ARHGAP10: variants seen among roughly 807,000 people sequenced by gnomAD.
The protein encoded by ARHGAP10 is rho GTPase-activating protein 10.
Under a neutral mutation model 108.6 loss-of-function variants are expected in ARHGAP10, and 87 were observed. The observed-to-expected ratio is 0.80, with a 90% confidence interval of 0.67 to 0.96. The LOEUF (loss-of-function observed/expected upper bound fraction) is 0.96. Among genes scored for constraint, ARHGAP10 ranks in the 40% least tolerant of loss-of-function variants. ARHGAP10 has a pLI of 0.00. For synonymous variants in ARHGAP10, 347 were observed against 341.1 expected, an observed-to-expected ratio of 1.02 and a Z score of -0.19; for missense variants, 939 against 954.5, an observed-to-expected ratio of 0.98 and a Z score of 0.21.
chr4:147,949,564 C>A (rs765358527), intron 15 of ARHGAP10, among the ~76,000 whole-genome samples: 1 of 151,750 alleles, frequency 6.6e-6, no homozygotes. Flanking sequence ...CCCTCCCCCC[C>A]ACAAATAATT....
chr4:148,072,199 T>G lies in ARHGAP10; in HGVS notation c.*118T>G. On this transcript the variant is annotated 3_prime_UTR_variant, in exon 23 of 23. Coordinates refer to ENST00000336498, the MANE Select transcript of ARHGAP10 (RefSeq NM_024605.4). ...CCACAGGTACCTCCACACTTGGGAG[T>G]TACCATCATCACAGTCAGCCCTGGG... The G allele has an allele frequency of 1.3e-6, 1 of 783,112 alleles. No homozygotes were observed. The highest frequency in any genetic ancestry group is 2.0e-6 in the Non-Finnish European group (1 of 504,420). The allele number at this position is 783,112 out of a possible 1,614,324, so 48.5% of individuals were successfully genotyped here.
chr4:147,825,502 C>T (rs1732672437), intron 3 of ARHGAP10, among the ~76,000 whole-genome samples: 2 of 151,760 alleles, frequency 1.3e-5, no homozygotes, highest in African/African-American at 4.8e-5. Flanking sequence ...ATAATTTGCA[C>T]TCATTCCTAA....
chr4:147,938,654 A>C (rs1738045265), intron 13 of ARHGAP10, among the ~76,000 whole-genome samples: 1 of 152,164 alleles, frequency 6.6e-6, no homozygotes, highest in Admixed American at 6.5e-5. Context: ...TATTCTTTTC[A>C]TCACTCCGAG....
At chr4:147,812,395 C>T (rs1291769248) in intron 1 of ARHGAP10, among the ~76,000 whole-genome samples, 1 of 152,068 alleles carries the variant, frequency 6.6e-6, no homozygotes, top group Non-Finnish European at 1.5e-5. Context: ...TCTAGCTTGA[C>T]CTTGCTTGTG....
rs1266804131 is a variant in ARHGAP10 at position 147,891,867 on chromosome 4, A to G, written c.1034+9935A>G. Among the ~76,000 whole-genome samples, 8 of 152,066 alleles carry G rather than the reference A, an allele frequency of 5.3e-5. No individual in the cohort carries two copies. In the South Asian group the frequency reaches 1.7e-3, roughly 32 times the overall value. On this transcript the variant is annotated intron_variant, in intron 10 of 22. Coordinates refer to ENST00000336498, the MANE Select transcript of ARHGAP10 (RefSeq NM_024605.4). Reference sequence around the variant, plus strand: ...GTAGCTTTCTTCCCTGAAGGGTGGAATATCACCCTTCCCCCGCCCCAACAA... The same window carrying G: ...GTAGCTTTCTTCCCTGAAGGGTGGAGTATCACCCTTCCCCCGCCCCAACAA...
At chr4:147,758,661 T>C (rs1394832083) in intron 1 of ARHGAP10, among the ~76,000 whole-genome samples, 6 of 152,010 alleles carry the variant, frequency 3.9e-5, no homozygotes, top group Non-Finnish European at 8.8e-5. Context: ...ACAGGTGGTG[T>C]ATTTTTTTTT....
intron 1 of ARHGAP10, among the ~76,000 whole-genome samples, chr4:147,734,651 A>G (rs543923075): frequency 2.0e-5 from 3 of 152,174 alleles, no homozygotes; most frequent in Admixed American, 6.5e-5. Context: ...GGGCGTGGCT[A>G]TAGGAAAATT....
At chr4:147,865,097 C>G in intron 6 of ARHGAP10, 141 bp downstream of exon 6, 1 of 705,832 alleles carries the variant, frequency 1.4e-6, no homozygotes, top group South Asian at 1.9e-5. Flanking sequence ...AGGGCAGACA[C>G]AGATAGCCAT....
chr4:147,953,200 A>G (rs2635259), intron 15 of ARHGAP10, among the ~76,000 whole-genome samples: 117,997 of 151,902 alleles, frequency 0.78, 49,297 homozygotes, highest in Non-Finnish European at 0.93. Flanking sequence ...ATCTATGTTC[A>G]TGAGTGATAT....
At chr4:147,906,507 A>C (rs1736500312) in intron 10 of ARHGAP10, 131 bp from the exon 11 acceptor site, 12 of 783,260 alleles carry the variant, frequency 1.5e-5, no homozygotes, top group Non-Finnish European at 2.3e-5. Flanking sequence ...CGTTAAGATG[A>C]TAAATTTTAG....
At chr4:147,801,363 T>A (rs1187260698) in intron 1 of ARHGAP10, among the ~76,000 whole-genome samples, 1 of 152,170 alleles carries the variant, frequency 6.6e-6, no homozygotes, top group African/African-American at 2.4e-5. Flanking sequence ...GACTTCTCTA[T>A]AAGAAAAGAG....
intron 18 of ARHGAP10, among the ~76,000 whole-genome samples, chr4:148,016,253 C>T (rs1741342321): frequency 1.3e-5 from 2 of 152,096 alleles, no homozygotes; most frequent in Admixed American, 6.5e-5. Context: ...CCTGTAATCC[C>T]AGTGCTTTGA....
intron 18 of ARHGAP10, among the ~76,000 whole-genome samples, chr4:147,997,278 A>G (rs758364911): frequency 6.6e-6 from 1 of 152,234 alleles, no homozygotes; most frequent in Non-Finnish European, 1.5e-5. Context: ...GTACATCAAT[A>G]ATCTATTTTG....
chr4:147,856,430 C>T (rs71616570), intron 4 of ARHGAP10, among the ~76,000 whole-genome samples: 6,758 of 152,304 alleles, frequency 0.044, 183 homozygotes, highest in Non-Finnish European at 0.065. Context: ...TATTGCTATA[C>T]AGGTCGATCA....
Position 148,052,392 on chromosome 4 carries a change from C to CTTTTT in ARHGAP10, c.2027+5357_2027+5361dup, listed in dbSNP as rs35449374. On this transcript the variant is annotated intron_variant, in intron 20 of 22. Transcript: ENST00000336498. ...TTAAAAGTGTTTTTTTGCACATTTGCTTTTTTTTTTTTTTTTTTTTGGGCT... is the reference window on the plus strand; with the variant it reads ...TTAAAAGTGTTTTTTTGCACATTTGCTTTTTTTTTTTTTTTTTTTTTTTTTGGGCT... Among the ~76,000 whole-genome samples, 295 of 90,658 alleles carry CTTTTT rather than the reference C, an allele frequency of 3.3e-3. 7 individuals carry two copies. The highest frequency in any genetic ancestry group is 0.012 in the African/African-American group (279 of 22,510). The allele number at this position is 90,658 out of a possible 152,430, so 59.5% of individuals were successfully genotyped here.
intron 1 of ARHGAP10, among the ~76,000 whole-genome samples, chr4:147,753,739 T>C (rs1729259460): frequency 6.6e-6 from 1 of 152,194 alleles, no homozygotes; most frequent in African/African-American, 2.4e-5. Flanking sequence ...TTTGAGAGAA[T>C]GATTTTTTTC....
Position 148,030,413 on chromosome 4 carries a change from A to G in ARHGAP10, c.1867+7000A>G, listed in dbSNP as rs1184828369. 1.3e-4 allele frequency among the ~76,000 whole-genome samples: 20 copies of G among 152,222 alleles called. 1 individual carries two copies. Among genetic ancestry groups the G allele is most frequent in the Admixed American group, 1.3e-3 (20 of 15,284 alleles). ...CCAACCAAAGTATTGTTTATCCTGA[A>G]TGAAATGGAATTTTAAGGCTGTCAA... is the stretch of plus-strand genomic sequence containing the variant. On this transcript the variant is annotated intron_variant, in intron 19 of 22. Transcript: ENST00000336498.
intron 13 of ARHGAP10, among the ~76,000 whole-genome samples, chr4:147,934,520 G>A (rs141751177): frequency 1.9e-3 from 285 of 152,316 alleles, no homozygotes; most frequent in African/African-American, 6.6e-3. Context: ...TGGGAGTTGT[G>A]ACTAAGATTG....
chr4:147,857,666 T>C lies in ARHGAP10; in HGVS notation c.486+12T>C. The C allele has an allele frequency of 6.9e-7, 1 of 1,442,290 alleles. No homozygotes were observed. Among genetic ancestry groups the C allele is most frequent in the Non-Finnish European group, 9.1e-7 (1 of 1,094,682 alleles). 89.3% of individuals were successfully genotyped at this position (1,442,290 alleles called of 1,614,324 possible). On this transcript the variant is annotated intron_variant, in intron 5 of 22. Transcript: ENST00000336498. ...CACATTTACAAGAGGTATAATTTTT[T>C]ATTTTTCTGTTACGTTTTCAAAATT...
Sources: gnomAD v4.1 joint callset for allele counts (sites outside exome capture counted in the v4.1 genomes callset) on GRCh38, gnomAD v4.1.1 for gene constraint, MANE v1.5 for transcripts, NCBI Gene and HGNC (gene_info 2026-07-23, HGNC 2026-07-21) for gene names.